The following CHD5 variants were observed in gnomAD, a reference collection of about 807,000 sequenced individuals.
CHD5 encodes the protein ATP-dependent chromatin remodeler CHD5.
CHD5 carries 69 observed loss-of-function variants against 230.3 expected under a neutral mutation model. The ratio of observed to expected loss-of-function variants is 0.30; its 90% CI spans 0.25 to 0.37. The LOEUF (loss-of-function observed/expected upper bound fraction) is 0.37, where lower values mean the gene tolerates loss of function less well. CHD5 is among the 10% of genes least tolerant of loss of function. The probability of loss-of-function intolerance (pLI) is 1.00; values close to 1 mark genes in which losing one functional copy is unlikely to be tolerated. For missense variants in CHD5, 1,827 were observed against 2,622.8 expected, an observed-to-expected ratio of 0.70 and a Z score of 6.63; for synonymous variants, 1,064 against 1,065.9, an observed-to-expected ratio of 1.00 and a Z score of 0.03.
rs1435304918 is a variant in CHD5, at chr1:6,152,682, A to G, written c.746-146T>C. ...TTCAGATGAGATGCCTGAGGCTTGG[A>G]GAGGTAAACCCCTTGCTTAAAATCA... On this transcript the variant is annotated intron_variant, in intron 5 of 41. Coordinates refer to ENST00000262450, the MANE Select transcript of CHD5 (RefSeq NM_015557.3). 2.9e-6 allele frequency: 4 copies of G among 1,365,404 alleles called. No individual in the cohort carries two copies. In the Admixed American group the frequency reaches 9.3e-5, roughly 32 times the overall value. The allele number at this position is 1,365,404 out of a possible 1,614,324, so 84.6% of individuals were successfully genotyped here. A position where few individuals can be genotyped will look rare whatever the true frequency, so the allele number is the denominator to read the frequency against.
At chr1:6,179,898 C>G (rs2100894248) in intron 1 of CHD5, 47 bp downstream of exon 1, 2 of 1,119,076 alleles carry the variant, frequency 1.8e-6, no homozygotes, top group Admixed American at 3.3e-5. Context: ...CGGCCCGTCT[C>G]GGCGCCCCCG....
At position 6,169,891 on chromosome 1, in the gene CHD5, T is replaced by C. The variant is rs116391162; in HGVS notation, c.80-1614A>G. Among the ~76,000 whole-genome samples, 1,021 of 152,060 alleles carry C rather than the reference T, an allele frequency of 6.7e-3. 13 individuals are homozygous for C. Among genetic ancestry groups the C allele is most frequent in the African/African-American group, 0.024 (976 of 41,482 alleles). On this transcript the variant is annotated intron_variant, in intron 1 of 41. Transcript: ENST00000262450. The stretch of plus-strand genomic sequence containing the variant: ...CCCCTCAGCCTCAGACCCTCTGCCA[T>C]GGACACCCCAGGCCTGACCTTCTGT...
chr1:6,113,372 C>T (rs930506054), intron 33 of CHD5: 1 of 430,966 alleles, frequency 2.3e-6, no homozygotes, highest in Non-Finnish European at 4.7e-6. Flanking sequence ...TCCCATGAGC[C>T]GAGATGGCGC....
rs1273907487 is a variant in CHD5 at position 6,112,224 on chromosome 1, T to C, written c.5056A>G (p.Lys1686Glu). 11 of 1,614,208 alleles carry C rather than the reference T, an allele frequency of 6.8e-6. No homozygotes were observed. Among genetic ancestry groups the C allele is most frequent in the Non-Finnish European group, 9.3e-6 (11 of 1,180,040 alleles). ...TTCTTCCCCTCGTCATCTTCCTCTT[T>C]GTCACCATTTTGCTGTGTTTCAATG... ...EPIETQQNGD[K>E]EEDDEGKKED... Residue 1686 changes from lysine (K) to glutamate (E), a missense_variant, in exon 35 of 42, where the codon AAA (lysine) becomes GAA (glutamate). By Grantham distance (56) the Lys-to-Glu change is moderately conservative (BLOSUM62 1). Around this residue, in one of 14 missense-constraint regions of CHD5, gnomAD observed 272 missense variants for 263.2 expected, o/e 1.03. Coordinates refer to ENST00000262450, the MANE Select transcript of CHD5 (RefSeq NM_015557.3).
rs375183540 is a variant in CHD5, at chr1:6,134,683, A to G, written c.3012+35T>C. On this transcript the variant is annotated intron_variant, in intron 19 of 41. Coordinates refer to ENST00000262450, the MANE Select transcript of CHD5 (RefSeq NM_015557.3). The surrounding 1 kb of genome is among the most constrained non-coding windows in gnomAD (Gnocchi z 6.3). ...GCCACAGGCACCTACCATGGCGGTC[A>G]TGGAGAAGCTGCCATGATGGCCGGG... is the stretch of plus-strand genomic sequence containing the variant. The G allele has an allele frequency of 4.3e-5, 69 of 1,611,550 alleles. No homozygotes were observed. The highest frequency in any genetic ancestry group is 3.3e-4 in the Middle Eastern group (2 of 6,078).
chr1:6,138,039 T>C (rs1001422511), intron 15 of CHD5, among the ~76,000 whole-genome samples: 4 of 152,172 alleles, frequency 2.6e-5, no homozygotes, highest in South Asian at 2.1e-4. Context: ...GGGTCTGCAC[T>C]CTCCCGGTGA....
At chr1:6,152,615 G>C in intron 5 of CHD5, 79 bp from the exon 6 acceptor site, 1 of 1,598,762 alleles carries the variant, frequency 6.3e-7, no homozygotes, top group African/African-American at 1.3e-5. Context: ...CTGAGCTCTC[G>C]GTTACCCAAT....
At chr1:6,107,635 T>C (rs554686371) in intron 38 of CHD5, among the ~76,000 whole-genome samples, 3 of 133,396 alleles carry the variant, frequency 2.2e-5, no homozygotes, top group African/African-American at 8.8e-5. Context: ...GAAGCGATGA[T>C]GGAGGGATGA....
chr1:6,128,556 A>C lies in CHD5; in HGVS notation c.3673T>G (p.Ser1225Ala), dbSNP rs768850601. ...PVTPIPDVQS[S>A]KGGNLAASAK... ...CTGGCGGCCAAGTTCCCCCCTTTGG[A>C]GGACTGGACATCAGGGATGGGTGTG... is the stretch of plus-strand genomic sequence containing the variant. Residue 1225 changes from serine (S) to alanine (A), a missense_variant, in exon 24 of 42, where the codon TCC becomes GCC. Ser to Ala is a moderately conservative substitution (Grantham distance 99). Transcript: ENST00000262450. This position sits in a 1 kb window ranked among gnomAD's most constrained non-coding sequence, Gnocchi z 7.8. 8.1e-6 allele frequency: 13 copies of C among 1,613,986 alleles called. No homozygotes were observed. Among genetic ancestry groups the C allele is most frequent in the South Asian group, 3.3e-5 (3 of 91,084 alleles).
In CHD5 at chr1:6,103,091, C is replaced by G. The variant is rs939393832; in HGVS notation, c.*2383G>C. Reference sequence around the variant, plus strand: ...CCAAACATACGGACACCACCATCACCACTTTTGGCAGAGATGACTGACAAA... The same window carrying G: ...CCAAACATACGGACACCACCATCACGACTTTTGGCAGAGATGACTGACAAA... On this transcript the variant is annotated 3_prime_UTR_variant, in exon 42 of 42. Transcript: ENST00000262450. 6.6e-6 allele frequency: 1 copy of G among 152,516 alleles called. No individual in the cohort carries two copies. The highest frequency in any genetic ancestry group is 1.5e-5 in the Non-Finnish European group (1 of 68,090). 9.4% of individuals were successfully genotyped at this position (152,516 alleles called of 1,614,324 possible).
chr1:6,142,013 C>A lies in CHD5; in HGVS notation c.2436+115G>T. 2.3e-6 allele frequency: 2 copies of A among 883,996 alleles called. No individual in the cohort carries two copies. The highest frequency in any genetic ancestry group is 2.4e-5 in the East Asian group (1 of 40,960). 54.8% of individuals were successfully genotyped at this position (883,996 alleles called of 1,614,324 possible). A position where few individuals can be genotyped will look rare whatever the true frequency, so the allele number is the denominator to read the frequency against. ...TCTAGGACAAGCCCCTCAGAGCCTG[C>A]CGGCCTCGGTAGCCCTCCCAGGCTG... is the stretch of plus-strand genomic sequence containing the variant. On this transcript the variant is annotated intron_variant, in intron 15 of 41. Coordinates refer to ENST00000262450, the MANE Select transcript of CHD5 (RefSeq NM_015557.3). The surrounding 1 kb of genome is among the most constrained non-coding windows in gnomAD (Gnocchi z 5.2).
intron 33 of CHD5, among the ~76,000 whole-genome samples, chr1:6,115,708 T>C (rs796303233): frequency 2.1e-4 from 32 of 152,308 alleles, no homozygotes; most frequent in African/African-American, 6.3e-4. Context: ...AGCATGGATG[T>C]GGACTTTTCC....
rs548813664 is a variant in CHD5 at position 6,143,399 on chromosome 1, C to A, written c.2043+424G>T. 5.9e-5 allele frequency among the ~76,000 whole-genome samples: 9 copies of A among 152,342 alleles called. No homozygotes were observed. The East Asian group carries it at 1.7e-3, about 29-fold the overall frequency. On this transcript the variant is annotated intron_variant, in intron 13 of 41. Coordinates refer to ENST00000262450, the MANE Select transcript of CHD5 (RefSeq NM_015557.3). ...AGTCCTCCCAATGGACCAGGCCCAT[C>A]TGCCTTTCCCCAGCATCTGACAGGC...
chr1:6,120,035 AT>A (rs1666444873), intron 33 of CHD5, among the ~76,000 whole-genome samples: 2 of 151,800 alleles, frequency 1.3e-5, no homozygotes, highest in African/African-American at 4.8e-5. Flanking sequence ...TAATTTTTGT[AT>A]TTTTAATAGA....
Position 6,121,226 on chromosome 1 carries a change from G to A in CHD5, c.4791C>T (p.Ala1597=), listed in dbSNP as rs551921295. 57 of 1,610,710 alleles carry A rather than the reference G, an allele frequency of 3.5e-5. No homozygotes were observed. The highest frequency in any genetic ancestry group is 1.3e-4 in the East Asian group (6 of 44,838). The change falls in exon 33 of 42, where the codon GCC becomes GCT. Residue 1597 remains alanine (A), a synonymous_variant. Coordinates refer to ENST00000262450, the MANE Select transcript of CHD5 (RefSeq NM_015557.3). This position sits in a 1 kb window ranked among gnomAD's most constrained non-coding sequence, Gnocchi z 4.5. ...RQPLEVQALP[A]ALDRVESEDK... ...CCTCACTCTCCACTCTATCCAAGGC[G>A]GCTGGAAGGGCCTGCAGAGGAAAAG...
chr1:6,123,871 G>C, intron 31 of CHD5, 77 bp downstream of exon 31: 2 of 1,073,434 alleles, frequency 1.9e-6, no homozygotes, highest in Non-Finnish European at 2.5e-6. Context: ...TGGGATTGTG[G>C]GTTAGACTAG....
chr1:6,156,689 C>T (rs1667086334), intron 3 of CHD5, among the ~76,000 whole-genome samples: 1 of 152,144 alleles, frequency 6.6e-6, no homozygotes, highest in Admixed American at 6.5e-5. Flanking sequence ...CAGCTGGGGG[C>T]ACAGCCCAGA....
At chr1:6,124,828 C>T (rs1287244838) in intron 29 of CHD5, among the ~76,000 whole-genome samples, 167 bp from the exon 30 acceptor site, 1 of 152,176 alleles carries the variant, frequency 6.6e-6, no homozygotes, top group African/African-American at 2.4e-5. Context: ...GCCTCCCTGG[C>T]GAGGGGACCT....
In CHD5 at chr1:6,129,334, A is replaced by C. The variant is rs1666615219; in HGVS notation, c.3388-265T>G. 6.6e-6 allele frequency among the ~76,000 whole-genome samples: 1 copy of C among 152,146 alleles called. No homozygotes were observed. Among genetic ancestry groups the C allele is most frequent in the African/African-American group, 2.4e-5 (1 of 41,428 alleles). Reference sequence around the variant, plus strand: ...GCAGGCAGGACTGCAGGTGTGCAAGAGTGTGTGAGGGATGATACGGCCAGT... The same window carrying C: ...GCAGGCAGGACTGCAGGTGTGCAAGCGTGTGTGAGGGATGATACGGCCAGT... On this transcript the variant is annotated intron_variant, in intron 22 of 41. Coordinates refer to ENST00000262450, the MANE Select transcript of CHD5 (RefSeq NM_015557.3). This position sits in a 1 kb window ranked among gnomAD's most constrained non-coding sequence, Gnocchi z 6.8.
Sources: gnomAD v4.1 joint callset for allele counts (sites outside exome capture counted in the v4.1 genomes callset) on GRCh38, gnomAD v4.1.1 for gene constraint, gnomAD v4.1.1 regional missense constraint, Gnocchi (gnomAD v3.1) non-coding constraint, MANE v1.5 for transcripts, NCBI Gene and HGNC (gene_info 2026-07-23, HGNC 2026-07-21) for gene names.